Variants in P2RY8 observed in about 807,000 individuals in gnomAD.
The protein encoded by P2RY8 is S-geranylgeranyl-glutathione receptor P2RY8.
In P2RY8, 6 loss-of-function variants were observed where a neutral mutation model predicts 10.0. The observed-to-expected ratio is 0.60, with a 90% confidence interval of 0.33 to 1.19. The LOEUF (loss-of-function observed/expected upper bound fraction) is 1.19, where lower values mean the gene tolerates loss of function less well. P2RY8 is among the 50% of genes most tolerant of loss of function. P2RY8 has a pLI of 0.04. For missense variants in P2RY8, 456 were observed against 542.0 expected (o/e 0.84, Z 1.58); for synonymous variants, 276 against 252.5 (o/e 1.09, Z -0.88).
intron 1 of P2RY8, among the ~76,000 whole-genome samples, chrX:1,503,550 C>T (rs1345947427): frequency 1.1e-4 from 17 of 152,118 alleles, no homozygotes; most frequent in African/African-American, 3.9e-4. Flanking sequence ...CACCTGAGGT[C>T]AGGAGTTCGA....
At chrX:1,508,738 C>CTATCTATCTATCTATCTATTTCTAT (rs2092259345) in intron 1 of P2RY8, among the ~76,000 whole-genome samples, 2 of 148,310 alleles carry the variant, frequency 1.3e-5, no homozygotes, top group Non-Finnish European at 3.0e-5. Flanking sequence ...ATCTATCTAT[C>CTATCTATCTATCTATCTATTTCTAT]TATCTATCTA....
At chrX:1,498,574 G>C (rs1418813298) in intron 1 of P2RY8, among the ~76,000 whole-genome samples, 3 of 151,068 alleles carry the variant, frequency 2.0e-5, no homozygotes, top group Non-Finnish European at 4.4e-5. Flanking sequence ...CTAGAGTGCA[G>C]TGGCACAATC....
intron 1 of P2RY8, among the ~76,000 whole-genome samples, chrX:1,486,450 G>T (rs1288272604): frequency 6.6e-6 from 1 of 152,290 alleles, no homozygotes; most frequent in East Asian, 1.9e-4. Context: ...CATGCTCAGG[G>T]AGAGAAGCCA....
In P2RY8 at chrX:1,464,322, G is replaced by A. The variant is rs745407116; in HGVS notation, c.*1157C>T. On this transcript the variant is annotated 3_prime_UTR_variant, in exon 2 of 2. Transcript: ENST00000381297. ...TGCAGGCACATGCCGTGTAGAAGAA[G>A]ACAGACAAAGACCCAGCCTGCTCAC... 3.6e-4 allele frequency: 84 copies of A among 233,518 alleles called. No homozygotes were observed. The highest frequency in any genetic ancestry group is 1.7e-3 in the African/African-American group (77 of 45,486). The allele number at this position is 233,518 out of a possible 1,614,324, so 14.5% of individuals were successfully genotyped here.
At chrX:1,522,251 C>T (rs1335700036) in intron 1 of P2RY8, among the ~76,000 whole-genome samples, 1 of 151,472 alleles carries the variant, frequency 6.6e-6, no homozygotes, top group South Asian at 2.1e-4. Context: ...CACCATGCCC[C>T]GCCCTCTTTT....
intron 1 of P2RY8, among the ~76,000 whole-genome samples, chrX:1,525,619 G>GCATC (rs1329223570): frequency 1.3e-5 from 2 of 151,928 alleles, no homozygotes; most frequent in Non-Finnish European, 2.9e-5. Context: ...ACTCAATCAT[G>GCATC]CATCCATCCA....
intron 1 of P2RY8, among the ~76,000 whole-genome samples, chrX:1,524,544 T>C (rs1438584756): frequency 7.7e-6 from 1 of 130,338 alleles, no homozygotes. Context: ...CATCCATCCA[T>C]CCATCCATGC....
At chrX:1,509,691 TCCA>T (rs1414372608) in intron 1 of P2RY8, among the ~76,000 whole-genome samples, 3 of 142,098 alleles carry the variant, frequency 2.1e-5, no homozygotes, top group African/African-American at 5.5e-5. Flanking sequence ...CATCCATCCA[TCCA>T]TCCATCCATC....
At chrX:1,535,706 C>G (rs866734737) in intron 1 of P2RY8, among the ~76,000 whole-genome samples, 1 of 147,464 alleles carries the variant, frequency 6.8e-6, no homozygotes, top group African/African-American at 2.5e-5. Context: ...CACACACACA[C>G]ACACACACAG....
intron 1 of P2RY8, among the ~76,000 whole-genome samples, chrX:1,535,997 G>A (rs1201371291): frequency 1.3e-5 from 2 of 152,104 alleles, no homozygotes; most frequent in Admixed American, 6.5e-5. Context: ...CCCTGGCACC[G>A]AGGGGGTGAC....
chrX:1,492,286 C>T (rs777237845), intron 1 of P2RY8, among the ~76,000 whole-genome samples: 18 of 152,234 alleles, frequency 1.2e-4, no homozygotes, highest in African/African-American at 4.3e-4. Flanking sequence ...CCACCCTCAC[C>T]CTGTTCATAA....
intron 1 of P2RY8, among the ~76,000 whole-genome samples, chrX:1,473,580 G>C (rs1317299913): frequency 2.0e-5 from 3 of 150,828 alleles, no homozygotes; most frequent in African/African-American, 7.3e-5. Flanking sequence ...GAATGGGTGG[G>C]TAGGTGGGTG....
intron 1 of P2RY8, among the ~76,000 whole-genome samples, chrX:1,475,098 G>A (rs2091860549): frequency 1.4e-5 from 2 of 141,048 alleles, no homozygotes; most frequent in South Asian, 2.4e-4. Context: ...TGTGTGGAGG[G>A]ATGGATAAGT....
At chrX:1,496,759 G>C (rs62603017) in intron 1 of P2RY8, among the ~76,000 whole-genome samples, 52 of 132,916 alleles carry the variant, frequency 3.9e-4, no homozygotes, top group African/African-American at 1.6e-3. Context: ...GTGCAGTAGC[G>C]CGATGTCGGC....
intron 1 of P2RY8, among the ~76,000 whole-genome samples, chrX:1,505,153 A>AAAG (rs2092220441): frequency 6.7e-6 from 1 of 149,968 alleles, no homozygotes. Context: ...AAAAAAAAAA[A>AAAG]GGAAGAAAAT....
chrX:1,508,117 A>G (rs1254708166), intron 1 of P2RY8, among the ~76,000 whole-genome samples: 8 of 152,216 alleles, frequency 5.3e-5, no homozygotes, highest in Non-Finnish European at 8.8e-5. Context: ...GGCAGGTCAC[A>G]TAAGATTCCT....
chrX:1,533,880 A>G lies in P2RY8; in HGVS notation c.-25+3041T>C, dbSNP rs868667521. ...TGTATTTATATATTATTTATTATTT[A>G]TATATTATATACTTATATATGTATT... On this transcript the variant is annotated intron_variant, in intron 1 of 1. Coordinates refer to ENST00000381297, the MANE Select transcript of P2RY8 (RefSeq NM_178129.5). Among the ~76,000 whole-genome samples, 278 of 121,970 alleles carry G rather than the reference A, an allele frequency of 2.3e-3. 1 individual carries two copies. The highest frequency in any genetic ancestry group is 0.011 in the Middle Eastern group (1 of 90). The allele number at this position is 121,970 out of a possible 152,430, so 80.0% of individuals were successfully genotyped here.
At chrX:1,498,838 C>A (rs1431736832) in intron 1 of P2RY8, among the ~76,000 whole-genome samples, 1 of 148,134 alleles carries the variant, frequency 6.8e-6, no homozygotes, top group South Asian at 2.2e-4. Flanking sequence ...GCACCTGGCC[C>A]TCTGTTATTT....
chrX:1,509,668 TCATCCATCCATCCATC>T (rs749271833), intron 1 of P2RY8, among the ~76,000 whole-genome samples: 1 of 122,596 alleles, frequency 8.2e-6, no homozygotes, highest in Non-Finnish European at 1.7e-5. Flanking sequence ...CTGTATGTGT[TCATCCATCCATCCATC>T]CATCCATCCA....
Sources: gnomAD v4.1 joint callset for allele counts (sites outside exome capture counted in the v4.1 genomes callset) on GRCh38, gnomAD v4.1.1 for gene constraint, MANE v1.5 for transcripts, NCBI Gene and HGNC (gene_info 2026-07-23, HGNC 2026-07-21) for gene names.